COL11A2: variants seen among roughly 807,000 people sequenced by gnomAD.
COL11A2 encodes collagen type XI alpha 2 chain.
Under a neutral mutation model 273.4 loss-of-function variants are expected in COL11A2, and 116 were observed. That is an observed-to-expected ratio of 0.42 (90% CI 0.36 to 0.49). The LOEUF (loss-of-function observed/expected upper bound fraction) is 0.49, where lower values mean the gene tolerates loss of function less well. COL11A2 is among the 20% of genes least tolerant of loss of function. The probability of loss-of-function intolerance (pLI) is 0.00; values close to 1 mark genes in which losing one functional copy is unlikely to be tolerated. For missense variants in COL11A2, 1,866 were observed against 2,309.0 expected, an observed-to-expected ratio of 0.81 and a Z score of 3.93; for synonymous variants, 782 against 864.2, an observed-to-expected ratio of 0.90 and a Z score of 1.67.
At position 33,173,754 on chromosome 6, in the gene COL11A2, G is replaced by T. The variant is rs777105611; in HGVS notation, c.2584-9C>A. 2 of 1,597,046 alleles carry T rather than the reference G, an allele frequency of 1.3e-6. No homozygotes were observed. On this transcript the variant is annotated splice_polypyrimidine_tract_variant and intron_variant, in intron 34 of 65. Coordinates refer to ENST00000341947, the MANE Select transcript of COL11A2 (RefSeq NM_080680.3). The surrounding 1 kb of genome is among the most constrained non-coding windows in gnomAD (Gnocchi z 6.3). ...TCACCACCAGATGTTCCCTGTGGGG[G>T]GAAACAGAGTCAAGGAGTGGGAAGA...
rs1165694978 is a variant in COL11A2 at position 33,189,533 on chromosome 6, T to C, written c.83-64A>G. 6.2e-7 allele frequency: 1 copy of C among 1,600,300 alleles called. No individual in the cohort carries two copies. The highest frequency in any genetic ancestry group is 8.5e-7 in the Non-Finnish European group (1 of 1,170,856). ...CTCAGGAGGGCATAAATAGGGGACATTTGGGATCTAGAACTCAGCTTTCCA... is the reference window on the plus strand; with the variant it reads ...CTCAGGAGGGCATAAATAGGGGACACTTGGGATCTAGAACTCAGCTTTCCA... On this transcript the variant is annotated intron_variant, in intron 1 of 65. Coordinates refer to ENST00000341947, the MANE Select transcript of COL11A2 (RefSeq NM_080680.3). The surrounding 1 kb of genome is among the most constrained non-coding windows in gnomAD (Gnocchi z 5.6).
At chr6:33,184,918 C>T (rs539767590) in intron 7 of COL11A2, 74 bp downstream of exon 7, 19 of 1,267,800 alleles carry the variant, frequency 1.5e-5, no homozygotes, top group Middle Eastern at 2.1e-4. Context: ...TCCATCAAGA[C>T]GTCATGGGCT....
At chr6:33,191,336 T>G (rs374586024) in intron 1 of COL11A2, among the ~76,000 whole-genome samples, 13 of 152,254 alleles carry the variant, frequency 8.5e-5, no homozygotes, top group Non-Finnish European at 1.9e-4. Flanking sequence ...AAATCAGCCC[T>G]CAGTGTCTCC....
Position 33,171,773 on chromosome 6 carries a change from A to C in COL11A2, c.3090T>G (p.Gly1030=). The C allele has an allele frequency of 1.2e-6, 2 of 1,612,768 alleles. No homozygotes were observed. Among genetic ancestry groups the C allele is most frequent in the Non-Finnish European group, 1.7e-6 (2 of 1,179,908 alleles). Residue 1030 remains glycine (G), a synonymous_variant, in exon 42 of 66, where the codon GGT becomes GGG. Transcript: ENST00000341947. ...CCTGCGGGCCTGGGCGCCCTGGCGG[A>C]CCAATGGGTCCCCCTGATCCTGCTG... ...RGAAGSGGPI[G]PPGRPGPQGP...
At position 33,165,622 on chromosome 6, in the gene COL11A2, C is replaced by T; in HGVS notation, c.4677G>A (p.Arg1559=). 6.2e-7 allele frequency: 1 copy of T among 1,613,244 alleles called. No homozygotes were observed. Residue 1559 remains arginine (R), a synonymous_variant, in exon 63 of 66, where the codon CGG becomes CGA. Transcript: ENST00000341947. The surrounding 1 kb of genome is among the most constrained non-coding windows in gnomAD (Gnocchi z 7.7). ...CAGGGCTGTCCTGGGTCCCTGTTGG[C>T]CGCCTCATCTGCTCGATCTCCTCCC... ...SLREEIEQMR[R]PTGTQDSPAR...
rs780706419 is a variant in COL11A2, at chr6:33,172,985, G to A, written c.2790+75C>T. ...GGGTCAGGTGGACCGGGGCAGGGGC[G>A]TGTGACCGAGAGAAGAGGGGCAGAC... On this transcript the variant is annotated intron_variant, in intron 38 of 65. Transcript: ENST00000341947. The A allele has an allele frequency of 1.9e-4, 276 of 1,488,632 alleles. 3 individuals are homozygous for A. Among genetic ancestry groups the A allele is most frequent in the South Asian group, 1.3e-3 (113 of 86,704 alleles). 92.2% of individuals were successfully genotyped at this position (1,488,632 alleles called of 1,614,324 possible). A position where few individuals can be genotyped will look rare whatever the true frequency, so the allele number is the denominator to read the frequency against.
chr6:33,170,474 T>C lies in COL11A2; in HGVS notation c.3528+83A>G, dbSNP rs778350958. On this transcript the variant is annotated intron_variant, in intron 47 of 65. Coordinates refer to ENST00000341947, the MANE Select transcript of COL11A2 (RefSeq NM_080680.3). The surrounding 1 kb of genome is among the most constrained non-coding windows in gnomAD (Gnocchi z 4.3). ...GAGGAGGAGCAGCCAGGCCAGGGAG[T>C]TGGCAGTGGGGTGTGGGGTGGGGGC... is the stretch of plus-strand genomic sequence containing the variant. 97 of 1,567,492 alleles carry C rather than the reference T, an allele frequency of 6.2e-5. No individual in the cohort carries two copies. The highest frequency in any genetic ancestry group is 8.1e-5 in the Non-Finnish European group (93 of 1,145,488).
rs776525527 is a variant in COL11A2, at chr6:33,173,748, G to GT, written c.2584-4dup. 1.3e-5 allele frequency: 20 copies of GT among 1,594,600 alleles called. No individual in the cohort carries two copies. The South Asian group carries it at 2.1e-4, about 17-fold the overall frequency. The stretch of plus-strand genomic sequence containing the variant: ...GGGCCATCACCACCAGATGTTCCCT[G>GT]TGGGGGGAAACAGAGTCAAGGAGTG... On this transcript the variant is annotated splice_region_variant and splice_polypyrimidine_tract_variant and intron_variant, in intron 34 of 65. Transcript: ENST00000341947. This position sits in a 1 kb window ranked among gnomAD's most constrained non-coding sequence, Gnocchi z 6.3.
At chr6:33,183,298 A>C (rs145652037) in intron 8 of COL11A2, among the ~76,000 whole-genome samples, 5 of 152,316 alleles carry the variant, frequency 3.3e-5, no homozygotes, top group Admixed American at 3.3e-4. Flanking sequence ...GGCTGAACAG[A>C]CAGGAAGCAG....
chr6:33,166,378 G>C lies in COL11A2; in HGVS notation c.4392+135C>G, dbSNP rs1769148903. The C allele has an allele frequency of 7.9e-7, 1 of 1,259,666 alleles. No homozygotes were observed. The highest frequency in any genetic ancestry group is 1.5e-5 in the African/African-American group (1 of 67,672). 78.0% of individuals were successfully genotyped at this position (1,259,666 alleles called of 1,614,324 possible). A position where few individuals can be genotyped will look rare whatever the true frequency, so the allele number is the denominator to read the frequency against. Reference sequence around the variant, plus strand: ...CTGGAAGTATGGGGAGGAGGTACTGGTGGTGACAGGACAAATGGGGGACCC... The same window carrying C: ...CTGGAAGTATGGGGAGGAGGTACTGCTGGTGACAGGACAAATGGGGGACCC... On this transcript the variant is annotated intron_variant, in intron 60 of 65. Coordinates refer to ENST00000341947, the MANE Select transcript of COL11A2 (RefSeq NM_080680.3). This position sits in a 1 kb window ranked among gnomAD's most constrained non-coding sequence, Gnocchi z 4.8.
intron 39 of COL11A2, 63 bp from the exon 40 acceptor site, chr6:33,172,441 AGC>A: frequency 1.3e-6 from 2 of 1,552,514 alleles, no homozygotes; most frequent in South Asian, 2.3e-5. Flanking sequence ...AGAGCTCTCC[AGC>A]CCCCCCTCAA....
intron 54 of COL11A2, 29 bp downstream of exon 54, chr6:33,168,490 C>T (rs759551448): frequency 6.2e-7 from 1 of 1,613,140 alleles, no homozygotes; most frequent in Non-Finnish European, 8.5e-7. Flanking sequence ...GGACTGCCTC[C>T]CAAGGTCTCA....
chr6:33,185,714 G>T lies in COL11A2; in HGVS notation c.863C>A (p.Thr288Asn). 7.4e-7 allele frequency: 1 copy of T among 1,360,044 alleles called. No individual in the cohort carries two copies. Among genetic ancestry groups the T allele is most frequent in the Non-Finnish European group, 9.8e-7 (1 of 1,016,450 alleles). 84.2% of individuals were successfully genotyped at this position (1,360,044 alleles called of 1,614,324 possible). Residue 288 changes from threonine to asparagine, a missense_variant, in exon 6 of 66, where the codon ACC (threonine) becomes AAC (asparagine). Physicochemically the swap from Thr to Asn is moderately conservative, Grantham distance 65 (BLOSUM62 0). Coordinates refer to ENST00000341947, the MANE Select transcript of COL11A2 (RefSeq NM_080680.3). ...PYYDVMTTGTTPDYQDPTPGE... is the reference protein window; with the variant it reads ...PYYDVMTTGTNPDYQDPTPGE... Reference sequence around the variant, plus strand: ...CCTTGAGTTTACCTGATAATCAGGGGTTGTCCCCGTAGTCATCACATCATA... The same window carrying T: ...CCTTGAGTTTACCTGATAATCAGGGTTTGTCCCCGTAGTCATCACATCATA...
rs1217645987 is a variant in COL11A2 at position 33,179,479 on chromosome 6, G to A, written c.1455C>T (p.Leu485=). 9.6e-6 allele frequency: 15 copies of A among 1,563,446 alleles called. No individual in the cohort carries two copies. Among genetic ancestry groups the A allele is most frequent in the African/African-American group, 1.4e-5 (1 of 73,974 alleles). ...ATCCCATGGGGCCAGGGGGTCCACG[G>A]AGCGCCAGCTAGGGGAGCAGGGGGA... The part of the protein sequence containing the change: ...QAILQQARLA[L]RGPPGPMGYT... The change falls in exon 14 of 66, where the codon CTC becomes CTT. Residue 485 remains leucine, a synonymous_variant. Coordinates refer to ENST00000341947, the MANE Select transcript of COL11A2 (RefSeq NM_080680.3). The surrounding 1 kb of genome is among the most constrained non-coding windows in gnomAD (Gnocchi z 6.4).
In COL11A2 at chr6:33,177,099, G is replaced by T. The variant is rs1445874568; in HGVS notation, c.2017-54C>A. ...ACTAGAGGGGTCATGTCTGGACACA[G>T]ACAAAATCCCAGCAGACATTTAGGG... On this transcript the variant is annotated intron_variant, in intron 24 of 65. Transcript: ENST00000341947. This position sits in a 1 kb window ranked among gnomAD's most constrained non-coding sequence, Gnocchi z 5.9. 6 of 1,612,498 alleles carry T rather than the reference G, an allele frequency of 3.7e-6. No individual in the cohort carries two copies. The African/African-American group carries it at 6.7e-5, about 18-fold the overall frequency.
At chr6:33,181,374 C>G (rs988584830) in intron 8 of COL11A2, among the ~76,000 whole-genome samples, 1 of 152,200 alleles carries the variant, frequency 6.6e-6, no homozygotes, top group Non-Finnish European at 1.5e-5. Context: ...TCCCTGCCCC[C>G]CCAGTTCCCA....
rs561425008 is a variant in COL11A2 at position 33,177,694 on chromosome 6, T to C, written c.1885A>G (p.Met629Val). The C allele has an allele frequency of 1.2e-6, 2 of 1,612,782 alleles. No individual in the cohort carries two copies. Among genetic ancestry groups the C allele is most frequent in the African/African-American group, 2.7e-5 (2 of 74,948 alleles). Residue 629 changes from methionine to valine, a missense_variant, in exon 22 of 66, where the codon ATG becomes GTG. Met to Val is a conservative substitution (Grantham distance 21). Transcript: ENST00000341947. This position sits in a 1 kb window ranked among gnomAD's most constrained non-coding sequence, Gnocchi z 5.9. ...GIPGPPGVRG[M>V]DGPQGPKGSL... Reference sequence around the variant, plus strand: ...CCTTTGGGGCCCTGGGGACCATCCATGCCTCGGACGCCCTGAAACACAAGA... The same window carrying C: ...CCTTTGGGGCCCTGGGGACCATCCACGCCTCGGACGCCCTGAAACACAAGA...
rs1768937773 is a variant in COL11A2, at chr6:33,165,189, T to C, written c.4751-225A>G. On this transcript the variant is annotated intron_variant, in intron 63 of 65. Coordinates refer to ENST00000341947, the MANE Select transcript of COL11A2 (RefSeq NM_080680.3). This position sits in a 1 kb window ranked among gnomAD's most constrained non-coding sequence, Gnocchi z 7.7. Reference sequence around the variant, plus strand: ...CACGTGACACCTCTGCCCCCAACAGTAACCCCAGGCCCTCTGACTGGAGGA... The same window carrying C: ...CACGTGACACCTCTGCCCCCAACAGCAACCCCAGGCCCTCTGACTGGAGGA... Among the ~76,000 whole-genome samples the C allele has an allele frequency of 6.6e-6, 1 of 152,116 alleles. No individual in the cohort carries two copies.
chr6:33,176,260 T>A lies in COL11A2; in HGVS notation c.2213A>T (p.Lys738Met). Residue 738 changes from lysine (K) to methionine (M), a missense_variant and splice_region_variant, in exon 28 of 66, where the codon AAG (lysine) becomes ATG (methionine). Coordinates refer to ENST00000341947, the MANE Select transcript of COL11A2 (RefSeq NM_080680.3). This position sits in a 1 kb window ranked among gnomAD's most constrained non-coding sequence, Gnocchi z 4.9. ...GGAAGCTGGGGGCATGGTGCTCACC[T>A]TCTCACCCTTATGACCCTTCAGACC... ...IRGLKGHKGE[K>M]GEDGFPGFKG... 1 of 1,608,280 alleles carries A rather than the reference T, an allele frequency of 6.2e-7. No individual in the cohort carries two copies. The highest frequency in any genetic ancestry group is 8.5e-7 in the Non-Finnish European group (1 of 1,177,704).
Sources: gnomAD v4.1 joint callset for allele counts (sites outside exome capture counted in the v4.1 genomes callset) on GRCh38, gnomAD v4.1.1 for gene constraint, Gnocchi (gnomAD v3.1) non-coding constraint, MANE v1.5 for transcripts, NCBI Gene and HGNC (gene_info 2026-07-23, HGNC 2026-07-21) for gene names.